The following DOCK2 variants were observed in gnomAD, a reference collection of about 807,000 sequenced individuals.
DOCK2 encodes dedicator of cytokinesis 2.
Under a neutral mutation model 248.9 loss-of-function variants are expected in DOCK2, and 87 were observed. The observed-to-expected ratio is 0.35, with a 90% CI of 0.29 to 0.42. The LOEUF is 0.42. DOCK2 is among the 10% of genes least tolerant of loss of function. The pLI is 1.00. For synonymous variants in DOCK2, 805 were observed against 821.6 expected (o/e 0.98, Z 0.35); for missense variants, 1,747 against 2,300.2 (o/e 0.76, Z 4.92).
intron 22 of DOCK2, among the ~76,000 whole-genome samples, chr5:169,723,109 C>A (rs1168779059): frequency 6.6e-6 from 1 of 152,176 alleles, no homozygotes; most frequent in African/African-American, 2.4e-5. Context: ...TTGCATCCTG[C>A]CTTCTGCTCT....
chr5:169,857,733 T>TA (rs745578660), intron 27 of DOCK2, among the ~76,000 whole-genome samples: 1,388 of 108,356 alleles, frequency 0.013, 20 homozygotes, highest in African/African-American at 0.034. Flanking sequence ...GGAACAAAAC[T>TA]AAAAAAAAAA....
At chr5:169,947,330 A>G (rs1776489433) in intron 27 of DOCK2, among the ~76,000 whole-genome samples, 1 of 152,256 alleles carries the variant, frequency 6.6e-6, no homozygotes, top group Non-Finnish European at 1.5e-5. Context: ...AACATTTTCC[A>G]AGGGGAATGA....
At chr5:169,826,372 TCAGACA>T (rs1768859601) in intron 26 of DOCK2, among the ~76,000 whole-genome samples, 1 of 152,074 alleles carries the variant, frequency 6.6e-6, no homozygotes, top group Non-Finnish European at 1.5e-5. Flanking sequence ...GAAGGACATC[TCAGACA>T]CAGAGAAAAA....
chr5:169,711,039 A>G (rs1300277062), intron 15 of DOCK2, among the ~76,000 whole-genome samples: 1 of 152,224 alleles, frequency 6.6e-6, no homozygotes, highest in African/African-American at 2.4e-5. Context: ...AATTGGCTGC[A>G]GTTACCCATG....
At chr5:169,821,575 G>GGC in intron 26 of DOCK2, among the ~76,000 whole-genome samples, 1 of 152,140 alleles carries the variant, frequency 6.6e-6, no homozygotes, top group Non-Finnish European at 1.5e-5. Flanking sequence ...AATGCTAAGA[G>GGC]ATTTTGTCAC....
intron 44 of DOCK2, among the ~76,000 whole-genome samples, chr5:170,058,810 C>G (rs146198511): frequency 6.6e-6 from 1 of 152,182 alleles, no homozygotes; most frequent in Admixed American, 6.5e-5. Context: ...GCATTGAGAC[C>G]GTTTCACTTC....
intron 2 of DOCK2, among the ~76,000 whole-genome samples, chr5:169,658,967 A>C (rs923273819): frequency 1.3e-5 from 2 of 149,254 alleles, no homozygotes; most frequent in African/African-American, 4.9e-5. Context: ...TTTGCTTCCA[A>C]TCTACAAGAC....
chr5:169,929,377 G>T (rs148518768), intron 27 of DOCK2, among the ~76,000 whole-genome samples: 1 of 151,940 alleles, frequency 6.6e-6, no homozygotes, highest in South Asian at 2.1e-4. Flanking sequence ...TCCACAAAGC[G>T]AATCCCGGCA....
At chr5:169,638,259 C>T (rs139322396) in intron 1 of DOCK2, among the ~76,000 whole-genome samples, 2 of 152,250 alleles carry the variant, frequency 1.3e-5, no homozygotes, top group East Asian at 1.9e-4. Flanking sequence ...CAGGGGGTCC[C>T]CAGGCCACTG....
At chr5:170,031,211 G>A (rs1412595785) in intron 34 of DOCK2, among the ~76,000 whole-genome samples, 1 of 152,228 alleles carries the variant, frequency 6.6e-6, no homozygotes, top group Non-Finnish European at 1.5e-5. Flanking sequence ...GCAGATAGAT[G>A]TATGTTCTTG....
chr5:169,973,130 C>T (rs1285787825), intron 27 of DOCK2, among the ~76,000 whole-genome samples: 1 of 152,214 alleles, frequency 6.6e-6, no homozygotes. Context: ...ACAAAGTAAT[C>T]TTCCCTCCTG....
intron 22 of DOCK2, among the ~76,000 whole-genome samples, chr5:169,734,012 A>G (rs564736840): frequency 1.3e-5 from 2 of 152,246 alleles, no homozygotes; most frequent in Admixed American, 6.5e-5. Context: ...TGAAATATCA[A>G]TCAGCATATG....
chr5:169,871,774 T>C (rs1035168112), intron 27 of DOCK2, among the ~76,000 whole-genome samples: 1 of 152,308 alleles, frequency 6.6e-6, no homozygotes, highest in Admixed American at 6.5e-5. Context: ...GAACCAGACC[T>C]AAACTAGGGC....
intron 1 of DOCK2, 85 bp from the exon 2 acceptor site, chr5:169,654,318 G>A (rs1459872368): frequency 4.7e-6 from 7 of 1,490,036 alleles, no homozygotes; most frequent in Non-Finnish European, 6.5e-6. Context: ...GGCATGGGAT[G>A]GACTTGAGGC....
intron 26 of DOCK2, among the ~76,000 whole-genome samples, chr5:169,804,452 G>GTA (rs1157127831): frequency 1.4e-5 from 1 of 69,298 alleles, no homozygotes; most frequent in African/African-American, 3.4e-5. Flanking sequence ...GTGTGTGTGT[G>GTA]TGTGTGTGTG....
intron 50 of DOCK2, 27 bp from the exon 51 acceptor site, chr5:170,081,815 C>T: frequency 1.3e-6 from 2 of 1,519,724 alleles, no homozygotes; most frequent in Non-Finnish European, 1.8e-6. Context: ...CCCACCCATT[C>T]ACACCCCAGC....
Position 169,714,095 on chromosome 5 carries a change from A to T in DOCK2, c.1727A>T (p.Glu576Val). The change falls in exon 18 of 52, where the codon GAA becomes GTA. Residue 576 changes from glutamate (E) to valine (V), a missense_variant. Coordinates refer to ENST00000520908, the MANE Select transcript of DOCK2 (RefSeq NM_004946.3). Reference protein sequence around the residue: ...LTLPSYRHHVENKGATLSRSS... With the variant: ...LTLPSYRHHVVNKGATLSRSS... ...CTTCCTTCTTATCGACACCATGTGG[A>T]AAACAAGGGGGCCACGCTGAGCAGG... is the stretch of plus-strand genomic sequence containing the variant. 6.2e-7 allele frequency: 1 copy of T among 1,613,696 alleles called. No homozygotes were observed. The highest frequency in any genetic ancestry group is 8.5e-7 in the Non-Finnish European group (1 of 1,179,774).
At chr5:169,709,349 T>G (rs1277556088) in intron 15 of DOCK2, among the ~76,000 whole-genome samples, 1 of 152,122 alleles carries the variant, frequency 6.6e-6, no homozygotes. Flanking sequence ...TCCAGGTCCT[T>G]CTCATATGGC....
At chr5:169,663,121 A>G (rs962194111) in intron 2 of DOCK2, among the ~76,000 whole-genome samples, 9 of 152,238 alleles carry the variant, frequency 5.9e-5, no homozygotes, top group Non-Finnish European at 1.2e-4. Flanking sequence ...AAGGGGCTAC[A>G]GGCCTCATGC....
Sources: gnomAD v4.1 joint callset for allele counts (sites outside exome capture counted in the v4.1 genomes callset) on GRCh38, gnomAD v4.1.1 for gene constraint, MANE v1.5 for transcripts, NCBI Gene and HGNC (gene_info 2026-07-23, HGNC 2026-07-21) for gene names.